UBAC2: variants seen among roughly 807,000 people sequenced by gnomAD.
The protein encoded by UBAC2 is ubiquitin-associated domain-containing protein 2.
In UBAC2, 26 loss-of-function variants were observed where a neutral mutation model predicts 44.0. The ratio of observed to expected loss-of-function variants is 0.59; its 90% CI spans 0.43 to 0.82. The LOEUF (loss-of-function observed/expected upper bound fraction) is 0.82, where lower values mean the gene tolerates loss of function less well. UBAC2 is among the 40% of genes least tolerant of loss of function. The pLI, the probability that UBAC2 is intolerant of heterozygous loss-of-function variation, is 0.00. For synonymous variants in UBAC2, 155 were observed against 154.3 expected, an observed-to-expected ratio of 1.00 and a Z score of -0.04; for missense variants, 329 against 419.4, an observed-to-expected ratio of 0.78 and a Z score of 1.88.
chr13:99,276,108 T>C (rs2043878422), intron 4 of UBAC2, among the ~76,000 whole-genome samples: 1 of 152,188 alleles, frequency 6.6e-6, no homozygotes, highest in African/African-American at 2.4e-5. Context: ...TTTTTCTGCT[T>C]CTAAATAATA....
intron 1 of UBAC2, among the ~76,000 whole-genome samples, chr13:99,236,091 T>G (rs2043229325): frequency 6.6e-6 from 1 of 152,182 alleles, no homozygotes; most frequent in Non-Finnish European, 1.5e-5. Flanking sequence ...GACCTGAAAC[T>G]ATGAAACTAC....
intron 6 of UBAC2, among the ~76,000 whole-genome samples, chr13:99,337,984 T>G (rs1378639585): frequency 6.7e-6 from 1 of 149,724 alleles, no homozygotes; most frequent in Non-Finnish European, 1.5e-5. Context: ...ACACTAACAC[T>G]GAAGATAGCT....
chr13:99,367,700 G>A (rs2045349199), intron 7 of UBAC2, 87 bp from the exon 8 acceptor site: 2 of 1,551,696 alleles, frequency 1.3e-6, no homozygotes, highest in South Asian at 1.1e-5. Context: ...GTCTATAGAT[G>A]TAACTGCATT....
intron 2 of UBAC2, among the ~76,000 whole-genome samples, chr13:99,242,433 C>T (rs1275314651): frequency 3.5e-5 from 5 of 143,192 alleles, no homozygotes; most frequent in African/African-American, 5.2e-5. Context: ...ACCTCCCAGA[C>T]GGGGCGGCTG....
chr13:99,362,548 G>A (rs546394791), intron 7 of UBAC2, among the ~76,000 whole-genome samples: 67 of 152,224 alleles, frequency 4.4e-4, no homozygotes, highest in Admixed American at 4.3e-3. Flanking sequence ...GTATTTTTGC[G>A]AGTCTTGTGG....
At chr13:99,315,340 C>A (rs1046191841) in intron 5 of UBAC2, among the ~76,000 whole-genome samples, 6 of 152,140 alleles carry the variant, frequency 3.9e-5, no homozygotes, top group African/African-American at 1.4e-4. Flanking sequence ...AAGAGCACTC[C>A]AGACCTCCCT....
Position 99,295,754 on chromosome 13 carries a change from A to G in UBAC2, c.390-18343A>G. 1.2e-6 allele frequency: 2 copies of G among 1,614,142 alleles called. No homozygotes were observed. Among genetic ancestry groups the G allele is most frequent in the Non-Finnish European group, 8.5e-7 (1 of 1,180,020 alleles). ...GTAGCGTAGAGGGTGCACCACAGCA[A>G]TGAAGCGGTCAATACTCAGGCAGGT... On this transcript the variant is annotated intron_variant, in intron 4 of 8. Coordinates refer to ENST00000403766, the MANE Select transcript of UBAC2 (RefSeq NM_001144072.2). This position sits in a 1 kb window ranked among gnomAD's most constrained non-coding sequence, Gnocchi z 4.1.
chr13:99,375,800 C>CT (rs1566529120), intron 8 of UBAC2, among the ~76,000 whole-genome samples: 1 of 131,124 alleles, frequency 7.6e-6, no homozygotes, highest in Middle Eastern at 4.2e-3. Flanking sequence ...TTCCTTTTTC[C>CT]CTTTTTTTTT....
intron 8 of UBAC2, among the ~76,000 whole-genome samples, chr13:99,369,422 T>A (rs2045376963): frequency 6.6e-6 from 1 of 152,230 alleles, no homozygotes; most frequent in Non-Finnish European, 1.5e-5. Flanking sequence ...TGAACCGTTC[T>A]GTTTTTCACT....
At chr13:99,287,487 C>T (rs189870443) in intron 4 of UBAC2, among the ~76,000 whole-genome samples, 220 of 151,960 alleles carry the variant, frequency 1.4e-3, no homozygotes, top group African/African-American at 5.0e-3. Flanking sequence ...TGCAGTGGCA[C>T]GATCATGACT....
At chr13:99,325,940 G>A (rs2044636346) in intron 6 of UBAC2, among the ~76,000 whole-genome samples, 3 of 152,168 alleles carry the variant, frequency 2.0e-5, no homozygotes, top group Non-Finnish European at 4.4e-5. Flanking sequence ...CCCTTTGTCT[G>A]TTGATGGGCA....
chr13:99,294,280 A>G (rs2044134717), intron 4 of UBAC2, among the ~76,000 whole-genome samples: 1 of 152,108 alleles, frequency 6.6e-6, no homozygotes, highest in Non-Finnish European at 1.5e-5. Flanking sequence ...TCATATAGGC[A>G]TGTCTTTTAT....
Position 99,238,492 on chromosome 13 carries a change from C to G in UBAC2, c.97C>G (p.Leu33Val), listed in dbSNP as rs370735266. ...TGCCCTCTCCCTCCTGCTCGCCCTC[C>G]TCCTGCCTCACTGCCAGAAGCTCTT... ...PSALSLLLAL[L>V]LPHCQKLFVY... The change falls in exon 2 of 9, where the codon CTC (leucine) becomes GTC (valine). Residue 33 changes from leucine to valine, a missense_variant. Transcript: ENST00000403766. 6.2e-7 allele frequency: 1 copy of G among 1,613,866 alleles called. No individual in the cohort carries two copies. The highest frequency in any genetic ancestry group is 1.3e-5 in the African/African-American group (1 of 74,914).
chr13:99,253,800 C>G (rs1304804460), intron 4 of UBAC2, among the ~76,000 whole-genome samples: 3 of 152,216 alleles, frequency 2.0e-5, no homozygotes, highest in African/African-American at 7.2e-5. Flanking sequence ...AGGCGTGAGC[C>G]ACCACGCCCA....
At chr13:99,213,915 G>A (rs1270430287) in intron 1 of UBAC2, among the ~76,000 whole-genome samples, 2 of 152,158 alleles carry the variant, frequency 1.3e-5, no homozygotes, top group African/African-American at 4.8e-5. Context: ...TGCCTCCCAG[G>A]TTCAAGCGAT....
At chr13:99,225,405 A>C (rs923287592) in intron 1 of UBAC2, among the ~76,000 whole-genome samples, 7 of 152,142 alleles carry the variant, frequency 4.6e-5, no homozygotes, top group African/African-American at 1.7e-4. Flanking sequence ...GAATCATATA[A>C]TATTTATCTT....
chr13:99,371,871 C>T (rs1383816684), intron 8 of UBAC2, among the ~76,000 whole-genome samples: 1 of 152,178 alleles, frequency 6.6e-6, no homozygotes. Flanking sequence ...AATGTGCATC[C>T]TTTAATAAAT....
chr13:99,215,405 C>T, intron 1 of UBAC2: 1 of 1,283,662 alleles, frequency 7.8e-7, no homozygotes, highest in Non-Finnish European at 1.1e-6. Flanking sequence ...TCTTCCCAAT[C>T]AGAGATTTGT....
At chr13:99,328,720 TTATA>T (rs2044673863) in intron 6 of UBAC2, among the ~76,000 whole-genome samples, 1 of 152,236 alleles carries the variant, frequency 6.6e-6, no homozygotes, top group South Asian at 2.1e-4. Context: ...AAATAATTCT[TTATA>T]TATTCTAGAT....
Sources: allele counts gnomAD v4.1 joint callset (sites outside exome capture counted in the v4.1 genomes callset), GRCh38; gene constraint gnomAD v4.1.1; non-coding constraint Gnocchi (gnomAD v3.1); transcripts MANE v1.5; gene names NCBI Gene and HGNC (gene_info 2026-07-23, HGNC 2026-07-21).